VPS41: variants seen among roughly 807,000 people sequenced by gnomAD.
The protein encoded by VPS41 is vacuolar protein sorting-associated protein 41 homolog.
VPS41 carries 85 observed loss-of-function variants against 130.9 expected under a neutral mutation model. That is an observed-to-expected ratio of 0.65 (90% confidence interval 0.55 to 0.78). The LOEUF is 0.78. Among genes scored for constraint, VPS41 ranks in the 30% least tolerant of loss-of-function variants. The pLI is 0.00. For synonymous variants in VPS41, 335 were observed against 332.9 expected (o/e 1.01, Z -0.07); for missense variants, 874 against 1,018.7 (o/e 0.86, Z 1.93).
chr7:38,879,954 C>G (rs747744623), intron 2 of VPS41, among the ~76,000 whole-genome samples: 27 of 151,740 alleles, frequency 1.8e-4, no homozygotes, highest in Non-Finnish European at 3.4e-4. Context: ...TAATCAAGAG[C>G]CAGTCACAAA....
chr7:38,824,718 GA>G (rs1475810633), intron 5 of VPS41, among the ~76,000 whole-genome samples: 1 of 152,160 alleles, frequency 6.6e-6, no homozygotes, highest in Non-Finnish European at 1.5e-5. Flanking sequence ...ATCAGACTTT[GA>G]ATTAAGGACA....
At chr7:38,777,509 C>T (rs941843529) in intron 10 of VPS41, among the ~76,000 whole-genome samples, 2 of 152,156 alleles carry the variant, frequency 1.3e-5, no homozygotes, top group African/African-American at 2.4e-5. Flanking sequence ...TAATTATTAG[C>T]TGCTATAAAA....
chr7:38,788,172 T>G (rs1265669756), intron 10 of VPS41, among the ~76,000 whole-genome samples: 1 of 152,164 alleles, frequency 6.6e-6, no homozygotes, highest in African/African-American at 2.4e-5. Flanking sequence ...AGATAGATAT[T>G]ATCACCTCCA....
At chr7:38,814,089 A>AT (rs1784993380) in intron 7 of VPS41, among the ~76,000 whole-genome samples, 1 of 152,222 alleles carries the variant, frequency 6.6e-6, no homozygotes, top group South Asian at 2.1e-4. Flanking sequence ...TAGATGCTAG[A>AT]TTACTCTGTT....
chr7:38,783,610 A>G (rs1784390882), intron 10 of VPS41, among the ~76,000 whole-genome samples: 1 of 152,192 alleles, frequency 6.6e-6, no homozygotes, highest in Admixed American at 6.5e-5. Flanking sequence ...AAAATAGCAC[A>G]GCGCAAGAAA....
intron 7 of VPS41, among the ~76,000 whole-genome samples, chr7:38,798,647 G>A (rs1274084104): frequency 6.6e-6 from 1 of 152,078 alleles, no homozygotes; most frequent in African/African-American, 2.4e-5. Flanking sequence ...TTCTATCTGT[G>A]GCCTGGATCT....
chr7:38,820,668 A>C (rs73121378), intron 6 of VPS41, among the ~76,000 whole-genome samples: 9,245 of 152,286 alleles, frequency 0.061, 290 homozygotes, highest in Middle Eastern at 0.082. Context: ...TTGTGAAATC[A>C]GTCTTTTATG....
At chr7:38,882,661 C>A (rs1786638606) in intron 2 of VPS41, among the ~76,000 whole-genome samples, 1 of 152,212 alleles carries the variant, frequency 6.6e-6, no homozygotes, top group African/African-American at 2.4e-5. Flanking sequence ...TAACTCTAGC[C>A]AGAGTCCTCC....
intron 6 of VPS41, 25 bp from the exon 7 acceptor site, chr7:38,817,907 C>G (rs774519482): frequency 6.2e-7 from 1 of 1,604,756 alleles, no homozygotes; most frequent in East Asian, 2.2e-5. Context: ...GAACCCAACT[C>G]TGGTTTAGGA....
chr7:38,850,421 A>C (rs1193140620), intron 4 of VPS41, among the ~76,000 whole-genome samples: 1 of 152,214 alleles, frequency 6.6e-6, no homozygotes, highest in Non-Finnish European at 1.5e-5. Flanking sequence ...TTCCTTATGT[A>C]GGTAACATTT....
chr7:38,820,973 G>T (rs1785159593), intron 6 of VPS41, among the ~76,000 whole-genome samples: 1 of 151,878 alleles, frequency 6.6e-6, no homozygotes, highest in South Asian at 2.1e-4. Flanking sequence ...GTGTGTGAGT[G>T]ATCTCACTCA....
intron 18 of VPS41, among the ~76,000 whole-genome samples, chr7:38,757,790 A>G (rs1333925440): frequency 6.6e-6 from 1 of 152,090 alleles, no homozygotes; most frequent in African/African-American, 2.4e-5. Flanking sequence ...GTTTCCCTAG[A>G]TCGAAGTACT....
intron 15 of VPS41, among the ~76,000 whole-genome samples, chr7:38,766,028 C>T (rs1784036075): frequency 6.6e-6 from 1 of 152,092 alleles, no homozygotes. Flanking sequence ...CTTGTCATAC[C>T]CCAAAGTGCC....
At chr7:38,729,920 T>C (rs1238236771) in intron 25 of VPS41, among the ~76,000 whole-genome samples, 1 of 152,134 alleles carries the variant, frequency 6.6e-6, no homozygotes, top group African/African-American at 2.4e-5. Context: ...ATTTCATTTA[T>C]TATTATTATT....
chr7:38,895,743 T>TC (rs1482629950), intron 2 of VPS41, among the ~76,000 whole-genome samples: 5 of 152,106 alleles, frequency 3.3e-5, no homozygotes, highest in African/African-American at 1.2e-4. Flanking sequence ...TAAGGATGCC[T>TC]CCCCCATCTC....
At chr7:38,783,619 A>G (rs1417947162) in intron 10 of VPS41, among the ~76,000 whole-genome samples, 1 of 152,180 alleles carries the variant, frequency 6.6e-6, no homozygotes, top group East Asian at 1.9e-4. Flanking sequence ...CAGCGCAAGA[A>G]AATTTAGCTT....
rs541098900 is a variant in VPS41 at position 38,789,097 on chromosome 7, C to T, written c.784+704G>A. On this transcript the variant is annotated intron_variant, in intron 10 of 28. Coordinates refer to ENST00000310301, the MANE Select transcript of VPS41 (RefSeq NM_014396.4). ...GGTACATCATCCAGGGCATACTTCTCCTGAACAGCTGTTTCCCAGAGTCAC... is the reference window on the plus strand; with the variant it reads ...GGTACATCATCCAGGGCATACTTCTTCTGAACAGCTGTTTCCCAGAGTCAC... Among the ~76,000 whole-genome samples the T allele has an allele frequency of 5.4e-4, 82 of 152,228 alleles. No homozygotes were observed. The Middle Eastern group carries it at 0.01, about 19-fold the overall frequency.
At chr7:38,814,438 C>CAG (rs1304944509) in intron 7 of VPS41, among the ~76,000 whole-genome samples, 1 of 152,130 alleles carries the variant, frequency 6.6e-6, no homozygotes, top group Non-Finnish European at 1.5e-5. Context: ...ATCACAAGGT[C>CAG]AGGAGATCAA....
At chr7:38,740,428 G>A (rs550481532) in intron 25 of VPS41, among the ~76,000 whole-genome samples, 118 of 152,208 alleles carry the variant, frequency 7.8e-4, no homozygotes, top group Non-Finnish European at 1.2e-3. Flanking sequence ...TTCCTAGGGC[G>A]TGGCATGAAA....
Sources: allele counts gnomAD v4.1 joint callset (sites outside exome capture counted in the v4.1 genomes callset), GRCh38; gene constraint gnomAD v4.1.1; transcripts MANE v1.5; gene names NCBI Gene and HGNC (gene_info 2026-07-23, HGNC 2026-07-21).